The following CREBBP variants were observed in gnomAD, a reference collection of about 807,000 sequenced individuals.
The protein encoded by CREBBP is CREB binding lysine acetyltransferase.
Under a neutral mutation model 265.0 loss-of-function variants are expected in CREBBP, and 19 were observed. The ratio of observed to expected loss-of-function variants is 0.07; its 90% CI spans 0.05 to 0.11. CREBBP has a LOEUF of 0.11. Ranked by LOEUF, CREBBP falls within the 10% of genes least tolerant of loss-of-function variation. The pLI is 1.00. For synonymous variants in CREBBP, 1,457 were observed against 1,223.7 expected (o/e 1.19, Z -3.98); for missense variants, 2,525 against 3,219.0 (o/e 0.78, Z 5.22).
intron 26 of CREBBP, among the ~76,000 whole-genome samples, chr16:3,737,746 G>A (rs1173503205): frequency 6.6e-6 from 1 of 151,190 alleles, no homozygotes; most frequent in Non-Finnish European, 1.5e-5. Context: ...TTACAGACTA[G>A]GTGAGCCAAT....
chr16:3,838,225 G>C (rs183807531), intron 2 of CREBBP, among the ~76,000 whole-genome samples: 109 of 152,210 alleles, frequency 7.2e-4, no homozygotes, highest in African/African-American at 2.3e-3. Flanking sequence ...TTAGCATTGT[G>C]GCACCGTGTT....
rs2055489264 is a variant in CREBBP, at chr16:3,879,842, A to T, written c.75T>A (p.Asn25Lys). The T allele has an allele frequency of 6.2e-7, 1 of 1,609,154 alleles. No homozygotes were observed. The highest frequency in any genetic ancestry group is 1.7e-5 in the Admixed American group (1 of 59,718). The change falls in exon 1 of 31, where the codon AAT becomes AAA. Residue 25 changes from asparagine to lysine, a missense_variant. This residue lies in a region of CREBBP where 356 missense variants were observed against 340.4 expected (regional missense o/e 1.05). Transcript: ENST00000262367. ...GGACCCCCTCCTCACCTGTGCTGTCATTCGCCGAGAAACCGGGCGAGCTGA... is the reference window on the plus strand; with the variant it reads ...GGACCCCCTCCTCACCTGTGCTGTCTTTCGCCGAGAAACCGGGCGAGCTGA... ...AKLSSPGFSA[N>K]DSTDFGSLFD... is the part of the protein sequence containing the mutation.
chr16:3,738,716 T>C (rs563744989), intron 25 of CREBBP, 44 bp from the exon 26 acceptor site: 2 of 1,275,874 alleles, frequency 1.6e-6, no homozygotes, highest in African/African-American at 1.5e-5. Context: ...ATCCCTCAAA[T>C]CTGAAATCAA....
At chr16:3,838,618 G>A (rs1038535314) in intron 2 of CREBBP, among the ~76,000 whole-genome samples, 1 of 152,154 alleles carries the variant, frequency 6.6e-6, no homozygotes, top group South Asian at 2.1e-4. Flanking sequence ...AAAACATCAG[G>A]AGTATGTTTT....
intron 21 of CREBBP, among the ~76,000 whole-genome samples, chr16:3,748,283 A>T (rs1171734178): frequency 7.0e-6 from 1 of 143,744 alleles, no homozygotes; most frequent in South Asian, 2.3e-4. Context: ...TCTCAGGGGG[A>T]AAAAAAAAAA....
intron 3 of CREBBP, among the ~76,000 whole-genome samples, chr16:3,795,163 A>G (rs2053583020): frequency 1.3e-5 from 2 of 152,220 alleles, no homozygotes; most frequent in African/African-American, 2.4e-5. Context: ...AAGGACCCAA[A>G]GCAAAATCAG....
chr16:3,773,068 A>G (rs962768772), intron 13 of CREBBP, among the ~76,000 whole-genome samples: 3 of 152,124 alleles, frequency 2.0e-5, no homozygotes, highest in African/African-American at 4.8e-5. Flanking sequence ...TCTGGGCAAC[A>G]AAACGAGACC....
In CREBBP at chr16:3,782,685, C is replaced by G. The variant is rs1182332461; in HGVS notation, c.1572G>C (p.Leu524=). Residue 524 remains leucine (L), a splice_region_variant and synonymous_variant, in exon 6 of 31, where the codon CTG becomes CTC. Transcript: ENST00000262367. ...THQQMRTLNP[L]GNNPMNIPAG... ...GAAGTTGAGAGTTCCTTCACCTACC[C>G]AGGGGGTTGAGAGTCCTCATCTGCT... The G allele has an allele frequency of 1.2e-6, 2 of 1,613,846 alleles. No homozygotes were observed. The highest frequency in any genetic ancestry group is 1.7e-6 in the Non-Finnish European group (2 of 1,179,932).
intron 14 of CREBBP, 23 bp downstream of exon 14, chr16:3,770,547 A>C (rs2141198100): frequency 6.2e-7 from 1 of 1,610,756 alleles, no homozygotes; most frequent in Non-Finnish European, 8.5e-7. Flanking sequence ...TGGCCCAAAA[A>C]CAGCAGAGAC....
intron 16 of CREBBP, chr16:3,761,555 A>G (rs886528): frequency 0.42 from 216,491 of 517,196 alleles, 46,407 homozygotes; most frequent in African/African-American, 0.54. Context: ...ATTTCCATCA[A>G]AGCCCAGGAT....
At chr16:3,738,728 C>T in intron 25 of CREBBP, 56 bp from the exon 26 acceptor site, 2 of 1,133,046 alleles carry the variant, frequency 1.8e-6, no homozygotes, top group Non-Finnish European at 2.6e-6. Flanking sequence ...TGAAATCAAA[C>T]ACAAGCAACA....
rs762313866 is a variant in CREBBP at position 3,729,323 on chromosome 16, C to G, written c.5724G>C (p.Gln1908His). Residue 1908 changes from glutamine to histidine, a missense_variant, in exon 31 of 31, where the codon CAG (glutamine) becomes CAC (histidine). This residue lies in a region of CREBBP where 275 missense variants were observed against 276.5 expected (regional missense o/e 0.99). Transcript: ENST00000262367. ...STPQTPQPPA[Q>H]PQPSPVSMSP... Reference sequence around the variant, plus strand: ...ACATGCTCACGGGTGAGGGTTGGGGCTGGGCAGGGGGCTGCGGCGTCTGGG... The same window carrying G: ...ACATGCTCACGGGTGAGGGTTGGGGGTGGGCAGGGGGCTGCGGCGTCTGGG... 10 of 1,566,802 alleles carry G rather than the reference C, an allele frequency of 6.4e-6. No homozygotes were observed. In the South Asian group the frequency reaches 1.1e-4, roughly 18 times the overall value.
intron 19 of CREBBP, among the ~76,000 whole-genome samples, chr16:3,752,653 CTT>C (rs1254610255): frequency 6.6e-6 from 1 of 152,074 alleles, no homozygotes; most frequent in South Asian, 2.1e-4. Context: ...CATGAACAAT[CTT>C]TGAAAATTCA....
intron 12 of CREBBP, 75 bp downstream of exon 12, chr16:3,774,494 A>G: frequency 2.5e-6 from 4 of 1,596,980 alleles, no homozygotes; most frequent in East Asian, 2.2e-5. Flanking sequence ...CTCAAGTGAC[A>G]TGAATTCTGC....
chr16:3,866,367 T>G (rs1402675512), intron 1 of CREBBP, among the ~76,000 whole-genome samples: 2 of 152,084 alleles, frequency 1.3e-5, no homozygotes, highest in African/African-American at 2.4e-5. Flanking sequence ...ACAAAGCAAG[T>G]GATGATCAGA....
At chr16:3,852,086 G>A (rs1331160281) in intron 1 of CREBBP, among the ~76,000 whole-genome samples, 4 of 123,298 alleles carry the variant, frequency 3.2e-5, no homozygotes, top group Non-Finnish European at 6.7e-5. Flanking sequence ...GAATGTATGT[G>A]TGTAACAAAG....
At chr16:3,766,015 T>C (rs2052843461) in intron 16 of CREBBP, among the ~76,000 whole-genome samples, 1 of 152,110 alleles carries the variant, frequency 6.6e-6, no homozygotes, top group Non-Finnish European at 1.5e-5. Context: ...TGGTAAGACT[T>C]GTTTGAAGAG....
chr16:3,842,018 T>A (rs927442703), intron 2 of CREBBP, among the ~76,000 whole-genome samples: 2 of 152,114 alleles, frequency 1.3e-5, no homozygotes, highest in Admixed American at 1.3e-4. Flanking sequence ...AATTTAAAAC[T>A]TTTACTCCAG....
At chr16:3,872,610 A>T (rs2055323551) in intron 1 of CREBBP, among the ~76,000 whole-genome samples, 1 of 152,244 alleles carries the variant, frequency 6.6e-6, no homozygotes, top group Non-Finnish European at 1.5e-5. Context: ...CACTGCAAGG[A>T]AAAGACCTCA....
Sources: allele counts gnomAD v4.1 joint callset (sites outside exome capture counted in the v4.1 genomes callset), GRCh38; gene constraint gnomAD v4.1.1; regional missense constraint gnomAD v4.1.1; transcripts MANE v1.5; gene names NCBI Gene and HGNC (gene_info 2026-07-23, HGNC 2026-07-21).